ZNF469: variants seen among roughly 807,000 people sequenced by gnomAD.
ZNF469 encodes the protein zinc finger protein 469.
In ZNF469, 1 loss-of-function variant was observed where a neutral mutation model predicts 1.0. The observed-to-expected ratio is 1.00, with a 90% confidence interval of 0.35 to 4.73. The LOEUF is 4.73. Ranked by LOEUF, ZNF469 falls within the 30% of genes most tolerant of loss-of-function variation. The probability of loss-of-function intolerance (pLI) is 0.16; values close to 1 mark genes in which losing one functional copy is unlikely to be tolerated. For missense variants in ZNF469, 6,100 were observed against 5,356.3 expected, an observed-to-expected ratio of 1.14 and a Z score of -4.33; for synonymous variants, 2,703 against 2,363.4, an observed-to-expected ratio of 1.14 and a Z score of -4.17.
the ZNF469 span, among the ~76,000 whole-genome samples, chr16:88,187,565 G>A: frequency 6.6e-6 from 1 of 150,990 alleles, no homozygotes; most frequent in Non-Finnish European, 1.5e-5. Flanking sequence ...CCCACAGAGG[G>A]TATTTAGGTT....
chr16:88,231,833 G>T, the ZNF469 span, among the ~76,000 whole-genome samples: 467 of 152,294 alleles, frequency 3.1e-3, 2 homozygotes, highest in African/African-American at 9.9e-3. The surrounding 1 kb of genome is among the most constrained non-coding windows in gnomAD (Gnocchi z 4.5). Context: ...AATATCACCA[G>T]GGAACATATT....
intron 1 of ZNF469, among the ~76,000 whole-genome samples, chr16:88,422,435 G>A (rs1377198645): frequency 6.7e-6 from 1 of 148,264 alleles, no homozygotes; most frequent in Admixed American, 6.7e-5. Context: ...AGGGTGGATG[G>A]GTGGGTGGGT....
At chr16:88,227,367 G>A in the ZNF469 span, among the ~76,000 whole-genome samples, 7 of 152,248 alleles carry the variant, frequency 4.6e-5, no homozygotes, top group East Asian at 9.6e-4. Flanking sequence ...CCACTCAGCC[G>A]TGCCTGGCCT....
At chr16:88,108,746 G>C in the ZNF469 span, among the ~76,000 whole-genome samples, 8 of 152,206 alleles carry the variant, frequency 5.3e-5, no homozygotes, top group Non-Finnish European at 1.2e-4. Context: ...TGTGTTTGCT[G>C]AGGCTAGGTC....
chr16:88,429,247 C>CTGCCGGCCGG lies in ZNF469; in HGVS notation c.1782_1783insGCCGGTGCCG (p.Ser595AlafsTer146), dbSNP rs1905941665. ...GGGAGCCTCCCCCAGCGAGTCCCCA[C>CTGCCGGCCGG]TGCCGTCACCGGCCACCAACACGGC... is the stretch of plus-strand genomic sequence containing the variant. On this transcript the variant is annotated frameshift_variant, in exon 3 of 3. Transcript: ENST00000565624. LOFTEE classifies it low-confidence loss of function (END_TRUNC). 1 of 1,549,720 alleles carries CTGCCGGCCGG rather than the reference C, an allele frequency of 6.5e-7. No homozygotes were observed. Among genetic ancestry groups the CTGCCGGCCGG allele is most frequent in the African/African-American group, 1.4e-5 (1 of 73,020 alleles).
At chr16:88,116,840 C>T in the ZNF469 span, among the ~76,000 whole-genome samples, 2 of 151,752 alleles carry the variant, frequency 1.3e-5, no homozygotes, top group Non-Finnish European at 2.9e-5. Flanking sequence ...GTAGGGGCCG[C>T]AGGGGGGCAG....
chr16:88,153,168 C>T, the ZNF469 span, among the ~76,000 whole-genome samples: 2 of 152,214 alleles, frequency 1.3e-5, no homozygotes, highest in Non-Finnish European at 2.9e-5. Context: ...CATTTCCAGC[C>T]CAATCTCGTT....
At chr16:88,167,837 G>T in the ZNF469 span, among the ~76,000 whole-genome samples, 1 of 152,250 alleles carries the variant, frequency 6.6e-6, no homozygotes, top group African/African-American at 2.4e-5. Context: ...TCCCCAGGAC[G>T]GACCGCTCCT....
rs1411341166 is a variant in ZNF469 at position 88,383,516 on chromosome 16, G to A, written c.-192+262G>A. 1.5e-4 allele frequency among the ~76,000 whole-genome samples: 22 copies of A among 149,660 alleles called. No individual in the cohort carries two copies. In the South Asian group the frequency reaches 3.1e-3, roughly 21 times the overall value. Reference sequence around the variant, plus strand: ...CGGGGGCCGCAGCCTTGCCCGGAGCGGAGCGTTGGCAGCGCGGGGTCCGGC... The same window carrying A: ...CGGGGGCCGCAGCCTTGCCCGGAGCAGAGCGTTGGCAGCGCGGGGTCCGGC... On this transcript the variant is annotated intron_variant, in intron 1 of 2. Transcript: ENST00000565624.
Position 88,431,057 on chromosome 16 carries a change from C to T in ZNF469, c.3587C>T (p.Ser1196Leu). ...EGGPKCADRP[S>L]VAPKDPLQVP... Reference sequence around the variant, plus strand: ...GGCCCCAAGTGTGCTGATCGCCCCTCAGTGGCCCCCAAGGATCCCCTGCAG... The same window carrying T: ...GGCCCCAAGTGTGCTGATCGCCCCTTAGTGGCCCCCAAGGATCCCCTGCAG... Residue 1196 changes from serine (S) to leucine (L), a missense_variant, in exon 3 of 3, where the codon TCA (serine) becomes TTA (leucine). Transcript: ENST00000565624. 6.5e-7 allele frequency: 1 copy of T among 1,549,006 alleles called. No homozygotes were observed. Among genetic ancestry groups the T allele is most frequent in the Non-Finnish European group, 8.7e-7 (1 of 1,146,824 alleles).
Position 88,433,450 on chromosome 16 carries a change from G to A in ZNF469, c.5980G>A (p.Gly1994Ser), listed in dbSNP as rs1268301637. 6.5e-7 allele frequency: 1 copy of A among 1,550,382 alleles called. No homozygotes were observed. The highest frequency in any genetic ancestry group is 8.7e-7 in the Non-Finnish European group (1 of 1,146,958). Residue 1994 changes from glycine (G) to serine (S), a missense_variant, in exon 3 of 3, where the codon GGC becomes AGC. Transcript: ENST00000565624. ...GLLGQAEKTQ[G>S]QGTANQLQPE... is the part of the protein sequence containing the mutation. ...GCTTGGCCAAGCCGAGAAAACCCAG[G>A]GCCAAGGCACAGCCAACCAGCTTCA...
At chr16:88,262,523 G>A in the ZNF469 span, among the ~76,000 whole-genome samples, 1 of 152,176 alleles carries the variant, frequency 6.6e-6, no homozygotes, top group Admixed American at 6.5e-5. The surrounding 1 kb of genome is among the most constrained non-coding windows in gnomAD (Gnocchi z 4.3). Context: ...GCCCTTCCAT[G>A]GGGCTGTCTA....
At chr16:88,326,929 CT>C in the ZNF469 span, among the ~76,000 whole-genome samples, 2 of 152,196 alleles carry the variant, frequency 1.3e-5, no homozygotes, top group African/African-American at 4.8e-5. Context: ...GCACCCCCAC[CT>C]CTCTCGGCCT....
At chr16:88,363,508 T>C in the ZNF469 span, among the ~76,000 whole-genome samples, 1 of 152,232 alleles carries the variant, frequency 6.6e-6, no homozygotes, top group East Asian at 1.9e-4. Flanking sequence ...CCCATGCATG[T>C]GTGGCTTGGG....
the ZNF469 span, among the ~76,000 whole-genome samples, chr16:88,182,942 A>C: frequency 6.6e-6 from 1 of 152,242 alleles, no homozygotes; most frequent in Non-Finnish European, 1.5e-5. Context: ...TACTTAAGAA[A>C]ATGAAGAGAC....
the ZNF469 span, among the ~76,000 whole-genome samples, chr16:88,136,724 C>G: frequency 1.3e-5 from 2 of 152,266 alleles, no homozygotes; most frequent in Non-Finnish European, 2.9e-5. Flanking sequence ...GAGTCTGTCC[C>G]CAGCTGCCAT....
At chr16:88,263,535 T>A in the ZNF469 span, among the ~76,000 whole-genome samples, 1 of 150,754 alleles carries the variant, frequency 6.6e-6, no homozygotes, top group African/African-American at 2.4e-5. Context: ...CATGGTGGGG[T>A]TGGTTGGCTG....
At chr16:88,326,157 C>T in the ZNF469 span, among the ~76,000 whole-genome samples, 2 of 152,202 alleles carry the variant, frequency 1.3e-5, no homozygotes, top group African/African-American at 4.8e-5. Context: ...CTTGAATTCC[C>T]ACATGTTGTG....
the ZNF469 span, among the ~76,000 whole-genome samples, chr16:88,358,067 G>C: frequency 6.6e-6 from 1 of 152,200 alleles, no homozygotes; most frequent in Admixed American, 6.5e-5. Context: ...ATGGCCTCAA[G>C]ATCCAGCCTC....
Sources: gnomAD v4.1 joint callset for allele counts (sites outside exome capture counted in the v4.1 genomes callset) on GRCh38, gnomAD v4.1.1 for gene constraint, Gnocchi (gnomAD v3.1) non-coding constraint, MANE v1.5 for transcripts, NCBI Gene and HGNC (gene_info 2026-07-23, HGNC 2026-07-21) for gene names.